The following MRTFB variants were observed in gnomAD, a reference collection of about 807,000 sequenced individuals.
MRTFB encodes myocardin related transcription factor B.
MRTFB carries 29 observed loss-of-function variants against 104.2 expected under a neutral mutation model. The ratio of observed to expected loss-of-function variants is 0.28; its 90% CI spans 0.21 to 0.38. The LOEUF (loss-of-function observed/expected upper bound fraction) is 0.38, where lower values mean the gene tolerates loss of function less well. Among genes scored for constraint, MRTFB ranks in the 10% least tolerant of loss-of-function variants. The pLI, the probability that MRTFB is intolerant of heterozygous loss-of-function variation, is 1.00. For synonymous variants in MRTFB, 535 were observed against 519.5 expected (o/e 1.03, Z -0.41); for missense variants, 1,270 against 1,341.6 (o/e 0.95, Z 0.83).
At chr16:14,105,448 A>C (rs1567327673) in intron 2 of MRTFB, among the ~76,000 whole-genome samples, 1 of 151,780 alleles carries the variant, frequency 6.6e-6, no homozygotes, top group South Asian at 2.1e-4. Context: ...CCCAGGCATC[A>C]GTGCGGTGGC....
intron 3 of MRTFB, among the ~76,000 whole-genome samples, chr16:14,209,638 T>G (rs937118870): frequency 1.3e-5 from 2 of 152,174 alleles, no homozygotes; most frequent in African/African-American, 4.8e-5. Context: ...ACTCTTTTAT[T>G]AAAATAATAA....
At chr16:14,009,462 A>G in the MRTFB span, 1 of 152,224 alleles carries the variant, frequency 6.6e-6, no homozygotes, top group Non-Finnish European at 1.5e-5. Context: ...TGTCAAACAG[A>G]GACAGTTTTA....
intron 3 of MRTFB, among the ~76,000 whole-genome samples, chr16:14,207,471 A>G: frequency 6.6e-6 from 1 of 152,228 alleles, no homozygotes. Context: ...TAATAGGAGC[A>G]TCATTTGTTA....
At chr16:14,210,924 G>C (rs1263116554) in intron 4 of MRTFB, among the ~76,000 whole-genome samples, 2 of 152,150 alleles carry the variant, frequency 1.3e-5, no homozygotes, top group East Asian at 3.8e-4. Flanking sequence ...CACCAAGTTT[G>C]GAGGTGGTTT....
the MRTFB span, among the ~76,000 whole-genome samples, chr16:14,043,342 G>T: frequency 1.3e-4 from 19 of 151,928 alleles, no homozygotes; most frequent in African/African-American, 4.4e-4. Context: ...GCACCCATTT[G>T]TTCCAAATCA....
chr16:14,085,365 G>A (rs2034636189), intron 2 of MRTFB, among the ~76,000 whole-genome samples: 1 of 148,930 alleles, frequency 6.7e-6, no homozygotes, highest in Non-Finnish European at 1.5e-5. Flanking sequence ...GCTGAGGCAG[G>A]AGAATCACTT....
chr16:14,260,167 A>G (rs1174162326), intron 16 of MRTFB, among the ~76,000 whole-genome samples: 5 of 152,240 alleles, frequency 3.3e-5, no homozygotes, highest in Non-Finnish European at 7.3e-5. Context: ...AATTTTATAT[A>G]AGCTCAGAAA....
At chr16:14,202,848 C>T (rs530319819) in intron 3 of MRTFB, among the ~76,000 whole-genome samples, 1 of 152,216 alleles carries the variant, frequency 6.6e-6, no homozygotes, top group Non-Finnish European at 1.5e-5. Flanking sequence ...TTAATCCCTC[C>T]TGTATCCAAG....
At chr16:14,209,646 TAAG>T (rs1360919092) in intron 3 of MRTFB, among the ~76,000 whole-genome samples, 7 of 152,316 alleles carry the variant, frequency 4.6e-5, no homozygotes, top group African/African-American at 1.7e-4. Flanking sequence ...ATTAAAATAA[TAAG>T]GTGTCAACTG....
At chr16:14,007,588 C>T in the MRTFB span, among the ~76,000 whole-genome samples, 20 of 152,238 alleles carry the variant, frequency 1.3e-4, no homozygotes, top group Middle Eastern at 3.4e-3. Context: ...TATATACCTA[C>T]GAGGGAAGTT....
intron 3 of MRTFB, among the ~76,000 whole-genome samples, chr16:14,163,726 G>A (rs1050389117): frequency 6.6e-6 from 1 of 151,838 alleles, no homozygotes; most frequent in African/African-American, 2.4e-5. Flanking sequence ...CCGGCTATTT[G>A]GGAGGCTGAG....
chr16:14,127,913 ATATATATATATATATATTTTTTTTTT>A lies in MRTFB; in HGVS notation c.-63-12629_-63-12604del, dbSNP rs1334221031. Among the ~76,000 whole-genome samples the A allele has an allele frequency of 3.3e-3, 148 of 45,532 alleles. 1 individual carries two copies. The highest frequency in any genetic ancestry group is 0.027 in the Middle Eastern group (3 of 110). The allele number at this position is 45,532 out of a possible 152,430, so 29.9% of individuals were successfully genotyped here. ...TTAGCAAAACTGAATATATATATAT[ATATATATATATATATATTTTTTTTTT>A]TTTTTTTTTTTTCTTTTTTTCCCCT... On this transcript the variant is annotated intron_variant, in intron 2 of 16. Transcript: ENST00000571589.
At chr16:14,260,822 T>C in intron 16 of MRTFB, 87 bp from the exon 17 acceptor site, 2 of 1,112,968 alleles carry the variant, frequency 1.8e-6, no homozygotes, top group Admixed American at 2.3e-5. Flanking sequence ...AATCGCATAA[T>C]AGCAATGTAA....
chr16:14,252,935 T>C (rs966413029), intron 15 of MRTFB, among the ~76,000 whole-genome samples: 2 of 152,154 alleles, frequency 1.3e-5, no homozygotes, highest in African/African-American at 2.4e-5. Flanking sequence ...ACTTGGTCTC[T>C]CTCTGGTCTC....
At chr16:14,004,362 G>A in the MRTFB span, among the ~76,000 whole-genome samples, 1 of 152,204 alleles carries the variant, frequency 6.6e-6, no homozygotes, top group Non-Finnish European at 1.5e-5. Context: ...GGCCTCAAGG[G>A]ATCCCAGAGG....
chr16:14,222,466 G>A (rs1488177799), intron 8 of MRTFB, among the ~76,000 whole-genome samples: 1 of 151,524 alleles, frequency 6.6e-6, no homozygotes, highest in African/African-American at 2.4e-5. Context: ...TAATGTTAAT[G>A]TATTTTATAT....
At chr16:14,167,730 C>T (rs1046384336) in intron 3 of MRTFB, among the ~76,000 whole-genome samples, 8 of 152,074 alleles carry the variant, frequency 5.3e-5, no homozygotes, top group African/African-American at 1.9e-4. Context: ...CTTGCTCTGT[C>T]GCCCAGGCTG....
chr16:14,089,055 C>T (rs1377538078), intron 2 of MRTFB, among the ~76,000 whole-genome samples: 1 of 152,178 alleles, frequency 6.6e-6, no homozygotes, highest in African/African-American at 2.4e-5. Context: ...TGTGTTTTTA[C>T]AACAGGTTAT....
intron 3 of MRTFB, among the ~76,000 whole-genome samples, chr16:14,161,822 T>C (rs149149642): frequency 0.011 from 1,685 of 152,228 alleles, 104 homozygotes; most frequent in Admixed American, 0.099. Flanking sequence ...TGGATAAAGA[T>C]GTGTATTCAT....
Sources: allele counts gnomAD v4.1 joint callset (sites outside exome capture counted in the v4.1 genomes callset), GRCh38; gene constraint gnomAD v4.1.1; transcripts MANE v1.5; gene names NCBI Gene and HGNC (gene_info 2026-07-23, HGNC 2026-07-21).